The following CPQ variants were observed in gnomAD, a reference collection of about 807,000 sequenced individuals.
The protein encoded by CPQ is Ser-Met dipeptidase.
CPQ carries 37 observed loss-of-function variants against 45.7 expected under a neutral mutation model. The ratio of observed to expected loss-of-function variants is 0.81; its 90% CI spans 0.62 to 1.07. The LOEUF is 1.07. Ranked by LOEUF, CPQ falls within the 50% of genes least tolerant of loss-of-function variation. The pLI, the probability that CPQ is intolerant of heterozygous loss-of-function variation, is 0.00. For missense variants in CPQ, 537 were observed against 572.9 expected, an observed-to-expected ratio of 0.94 and a Z score of 0.64; for synonymous variants, 186 against 205.8, an observed-to-expected ratio of 0.90 and a Z score of 0.82.
At chr8:97,034,099 A>G (rs1294159363) in intron 6 of CPQ, among the ~76,000 whole-genome samples, 2 of 151,226 alleles carry the variant, frequency 1.3e-5, no homozygotes, top group Non-Finnish European at 2.9e-5. Flanking sequence ...ATTATAAAGG[A>G]TGTGAGGCTA....
intron 5 of CPQ, among the ~76,000 whole-genome samples, chr8:96,986,376 T>C (rs1808981143): frequency 6.6e-6 from 1 of 152,216 alleles, no homozygotes. Context: ...CTTTGGTAAG[T>C]GCAATTTATA....
At chr8:96,924,577 A>G (rs1167056438) in intron 4 of CPQ, among the ~76,000 whole-genome samples, 1 of 152,200 alleles carries the variant, frequency 6.6e-6, no homozygotes, top group Non-Finnish European at 1.5e-5. Flanking sequence ...TAACTCTTCT[A>G]AAGGCTAATG....
At chr8:97,099,188 T>C (rs1331222529) in intron 7 of CPQ, among the ~76,000 whole-genome samples, 2 of 130,528 alleles carry the variant, frequency 1.5e-5, no homozygotes, top group Non-Finnish European at 3.1e-5. Context: ...TGGAGTGCAG[T>C]GGCACGATCT....
chr8:96,976,269 A>C (rs1337648907), intron 5 of CPQ, among the ~76,000 whole-genome samples: 3 of 148,688 alleles, frequency 2.0e-5, no homozygotes, highest in African/African-American at 7.7e-5. Flanking sequence ...AAAAAAAAAA[A>C]AAACCTTAGG....
chr8:96,911,798 G>A (rs1812668188), intron 4 of CPQ, among the ~76,000 whole-genome samples: 1 of 152,164 alleles, frequency 6.6e-6, no homozygotes, highest in Non-Finnish European at 1.5e-5. Flanking sequence ...GATTTAGTCT[G>A]ATTTCCCTAT....
chr8:97,071,198 T>C (rs1810736024), intron 7 of CPQ, among the ~76,000 whole-genome samples: 1 of 152,188 alleles, frequency 6.6e-6, no homozygotes, highest in African/African-American at 2.4e-5. Context: ...TCAAAACTTC[T>C]AACTATGTAG....
At chr8:97,034,985 C>A in intron 6 of CPQ, among the ~76,000 whole-genome samples, 1 of 151,828 alleles carries the variant, frequency 6.6e-6, no homozygotes, top group East Asian at 1.9e-4. Context: ...CTCCGCCTCC[C>A]GGGTTCAAGC....
intron 4 of CPQ, among the ~76,000 whole-genome samples, chr8:96,959,557 A>G (rs376579178): frequency 3.3e-5 from 5 of 152,116 alleles, no homozygotes; most frequent in African/African-American, 1.2e-4. Context: ...TCACTGCTGC[A>G]GTCCAAGCCT....
chr8:97,001,120 C>T (rs1013459261), intron 5 of CPQ, among the ~76,000 whole-genome samples: 1 of 152,124 alleles, frequency 6.6e-6, no homozygotes, highest in Non-Finnish European at 1.5e-5. Flanking sequence ...AGTTGCTTAT[C>T]AGCTTAAGAA....
intron 5 of CPQ, among the ~76,000 whole-genome samples, chr8:96,985,126 GCT>G (rs1332681756): frequency 6.6e-6 from 1 of 151,790 alleles, no homozygotes; most frequent in East Asian, 1.9e-4. Flanking sequence ...ATTTTTTCTG[GCT>G]CTTATAGTTG....
intron 1 of CPQ, among the ~76,000 whole-genome samples, chr8:96,736,001 A>G (rs1228158655): frequency 6.6e-6 from 1 of 152,022 alleles, no homozygotes; most frequent in Non-Finnish European, 1.5e-5. Flanking sequence ...GAGCTGATTC[A>G]TTTATGAGCT....
chr8:96,863,465 G>A (rs1314214993), intron 3 of CPQ, among the ~76,000 whole-genome samples: 1 of 151,976 alleles, frequency 6.6e-6, no homozygotes, highest in Non-Finnish European at 1.5e-5. Flanking sequence ...GCTTATACAG[G>A]TGAGGAGGCA....
At chr8:97,034,386 T>C (rs1233621293) in intron 6 of CPQ, among the ~76,000 whole-genome samples, 1 of 152,222 alleles carries the variant, frequency 6.6e-6, no homozygotes, top group Non-Finnish European at 1.5e-5. Context: ...TTCACATGTT[T>C]CAATAAGTTG....
chr8:97,142,892 T>A, intron 7 of CPQ, 128 bp from the exon 8 acceptor site: 1 of 798,592 alleles, frequency 1.3e-6, no homozygotes, highest in Non-Finnish European at 1.9e-6. Flanking sequence ...CAAGAGAGCC[T>A]GGAAAAGTAA....
At chr8:96,963,472 T>C (rs1411985263) in intron 4 of CPQ, among the ~76,000 whole-genome samples, 1 of 152,230 alleles carries the variant, frequency 6.6e-6, no homozygotes, top group African/African-American at 2.4e-5. Flanking sequence ...CATACTAGAC[T>C]GGGTCCGTAT....
intron 7 of CPQ, among the ~76,000 whole-genome samples, chr8:97,130,180 G>A (rs180973076): frequency 3.9e-5 from 6 of 152,282 alleles, no homozygotes; most frequent in Admixed American, 3.9e-4. Context: ...GTAAAGGACA[G>A]CACGCTTTCC....
intron 7 of CPQ, among the ~76,000 whole-genome samples, chr8:97,076,931 A>T (rs545535830): frequency 1.3e-5 from 2 of 152,350 alleles, no homozygotes; most frequent in African/African-American, 4.8e-5. Context: ...GTTGATCAGA[A>T]GTCTTTATGA....
intron 3 of CPQ, among the ~76,000 whole-genome samples, chr8:96,846,966 A>G (rs1316160872): frequency 6.6e-6 from 1 of 152,192 alleles, no homozygotes; most frequent in Non-Finnish European, 1.5e-5. Context: ...ATTTTGCACA[A>G]TGACTCTCAG....
intron 7 of CPQ, chr8:97,132,790 C>T (rs370362604): frequency 1.3e-5 from 2 of 152,168 alleles, no homozygotes; most frequent in African/African-American, 2.4e-5. Context: ...TAGATGTGGA[C>T]AGAGCTGCAG....
Sources: gnomAD v4.1 joint callset for allele counts (sites outside exome capture counted in the v4.1 genomes callset) on GRCh38, gnomAD v4.1.1 for gene constraint, MANE v1.5 for transcripts, NCBI Gene and HGNC (gene_info 2026-07-23, HGNC 2026-07-21) for gene names.